Variants in PIK3C3 observed in about 807,000 individuals in gnomAD.
PIK3C3 encodes the protein PI3-kinase type 3.
In PIK3C3, 95 loss-of-function variants were observed where a neutral mutation model predicts 126.1. The ratio of observed to expected loss-of-function variants is 0.75; its 90% CI spans 0.64 to 0.89. The LOEUF is 0.89. Ranked by LOEUF, PIK3C3 falls within the 40% of genes least tolerant of loss-of-function variation. The pLI is 0.00. For missense variants in PIK3C3, 829 were observed against 1,063.2 expected, an observed-to-expected ratio of 0.78 and a Z score of 3.06; for synonymous variants, 374 against 360.0, an observed-to-expected ratio of 1.04 and a Z score of -0.44.
chr18:42,051,455 A>G (rs551230982), intron 21 of PIK3C3: 3 of 152,090 alleles, frequency 2.0e-5, no homozygotes, highest in South Asian at 4.1e-4. Flanking sequence ...ATAATTTAAC[A>G]TAATACATCA....
intron 24 of PIK3C3, among the ~76,000 whole-genome samples, chr18:42,076,593 CAT>C (rs1052236544): frequency 1.3e-5 from 2 of 152,262 alleles, no homozygotes; most frequent in African/African-American, 4.8e-5. Context: ...CATTAAAACA[CAT>C]GATATTTAAA....
At chr18:42,050,391 A>T (rs908859586) in intron 21 of PIK3C3, 37 of 152,192 alleles carry the variant, frequency 2.4e-4, no homozygotes, top group African/African-American at 8.9e-4. Context: ...CCAGACTTAC[A>T]GCTTTTTACC....
chr18:42,013,855 C>T (rs1982944835), intron 11 of PIK3C3, among the ~76,000 whole-genome samples: 1 of 152,160 alleles, frequency 6.6e-6, no homozygotes, highest in Admixed American at 6.6e-5. Context: ...GCATAAATTA[C>T]ATATTCTCTA....
At chr18:42,025,659 G>A (rs1325484104) in intron 13 of PIK3C3, 1 of 152,194 alleles carries the variant, frequency 6.6e-6, no homozygotes, top group Non-Finnish European at 1.5e-5. Flanking sequence ...GGTTTTACAT[G>A]TGTTCAGTTA....
intron 20 of PIK3C3, 88 bp downstream of exon 20, chr18:42,043,905 A>C: frequency 1.2e-6 from 1 of 818,798 alleles, no homozygotes; most frequent in South Asian, 1.5e-5. Context: ...CATTTAGAAC[A>C]TGTTAATATT....
intron 4 of PIK3C3, 46 bp from the exon 5 acceptor site, chr18:41,987,766 C>T: frequency 7.7e-7 from 1 of 1,301,058 alleles, no homozygotes; most frequent in East Asian, 2.3e-5. Flanking sequence ...GTCCTTCTTT[C>T]TACTAGATGT....
intron 4 of PIK3C3, among the ~76,000 whole-genome samples, chr18:41,981,714 C>G (rs964825292): frequency 6.6e-6 from 1 of 151,266 alleles, no homozygotes; most frequent in Admixed American, 6.6e-5. Flanking sequence ...AATCCCAGTA[C>G]TTTGGGAGGC....
chr18:42,074,695 C>A (rs1985909221), intron 24 of PIK3C3, among the ~76,000 whole-genome samples: 1 of 152,112 alleles, frequency 6.6e-6, no homozygotes, highest in Admixed American at 6.5e-5. Flanking sequence ...TATAGCATTA[C>A]TTTATTCATA....
intron 12 of PIK3C3, among the ~76,000 whole-genome samples, chr18:42,016,632 A>G (rs531597777): frequency 3.3e-5 from 5 of 152,292 alleles, no homozygotes; most frequent in East Asian, 3.9e-4. Flanking sequence ...CCATATGGCT[A>G]TCTGGGGAAG....
At chr18:42,025,364 A>G (rs1983518718) in intron 13 of PIK3C3, 2 of 152,150 alleles carry the variant, frequency 1.3e-5, no homozygotes, top group Admixed American at 6.5e-5. Flanking sequence ...ACCATTTAGA[A>G]CTGCTGTTTT....
In PIK3C3 at chr18:42,017,125, T is replaced by C. The variant is rs374318536; in HGVS notation, c.1416+1559T>C. On this transcript the variant is annotated intron_variant, in intron 12 of 24. Coordinates refer to ENST00000262039, the MANE Select transcript of PIK3C3 (RefSeq NM_002647.4). ...GCAATCATTTTGAGTGATATTTCTA[T>C]CTTCCCCTATCCCTTCCCCTATTCC... 1.3e-4 allele frequency among the ~76,000 whole-genome samples: 20 copies of C among 152,222 alleles called. No homozygotes were observed. The East Asian group carries it at 3.7e-3, about 28-fold the overall frequency.
intron 3 of PIK3C3, among the ~76,000 whole-genome samples, chr18:41,968,296 T>C (rs1331966482): frequency 2.6e-5 from 4 of 152,220 alleles, no homozygotes; most frequent in Non-Finnish European, 5.9e-5. Flanking sequence ...TTTAAAGTGA[T>C]ATTATCATCT....
At chr18:41,956,633 A>C (rs1210464015) in intron 1 of PIK3C3, among the ~76,000 whole-genome samples, 1 of 141,736 alleles carries the variant, frequency 7.1e-6, no homozygotes, top group Non-Finnish European at 1.5e-5. Context: ...TTTTGCTTCA[A>C]CTCTCATGCA....
intron 15 of PIK3C3, among the ~76,000 whole-genome samples, chr18:42,032,243 G>A (rs944592812): frequency 6.6e-6 from 1 of 152,174 alleles, no homozygotes; most frequent in African/African-American, 2.4e-5. Flanking sequence ...ATAGGAAGAA[G>A]CCCAGTGTAT....
chr18:42,033,729 C>G (rs576441210), intron 15 of PIK3C3, 97 bp from the exon 16 acceptor site: 161 of 875,842 alleles, frequency 1.8e-4, no homozygotes, highest in Non-Finnish European at 2.6e-4. Context: ...TTTGCAAATA[C>G]TTTTAAGTTA....
intron 17 of PIK3C3, among the ~76,000 whole-genome samples, chr18:42,038,028 T>G (rs749249934): frequency 3.9e-5 from 6 of 152,194 alleles, no homozygotes; most frequent in Non-Finnish European, 7.3e-5. Flanking sequence ...TGGAACTGTA[T>G]GTGTTCCATT....
intron 3 of PIK3C3, among the ~76,000 whole-genome samples, chr18:41,963,117 G>C (rs1219012851): frequency 1.3e-5 from 2 of 151,848 alleles, no homozygotes; most frequent in East Asian, 3.9e-4. Context: ...AGTCCCAAAG[G>C]ATATTTTCTC....
intron 16 of PIK3C3, among the ~76,000 whole-genome samples, chr18:42,034,743 G>A: frequency 1.3e-5 from 2 of 152,244 alleles, no homozygotes; most frequent in East Asian, 3.9e-4. Context: ...GAGACATGGT[G>A]CTTTATGTTT....
intron 20 of PIK3C3, among the ~76,000 whole-genome samples, chr18:42,045,357 T>C (rs1026399973): frequency 6.6e-6 from 1 of 152,214 alleles, no homozygotes; most frequent in African/African-American, 2.4e-5. Flanking sequence ...GCCCCATTTC[T>C]CTTCTGTTTT....
Sources: allele counts gnomAD v4.1 joint callset (sites outside exome capture counted in the v4.1 genomes callset), GRCh38; gene constraint gnomAD v4.1.1; transcripts MANE v1.5; gene names NCBI Gene and HGNC (gene_info 2026-07-23, HGNC 2026-07-21).